Variants in LARGE1 observed in about 807,000 individuals in gnomAD.
The protein encoded by LARGE1 is xylosyl- and glucuronyltransferase LARGE1.
LARGE1 carries 43 observed loss-of-function variants against 87.6 expected under a neutral mutation model. The ratio of observed to expected loss-of-function variants is 0.49; its 90% CI spans 0.38 to 0.63. The LOEUF is 0.63. Ranked by LOEUF, LARGE1 falls within the 30% of genes least tolerant of loss-of-function variation. The pLI is 0.00. For missense variants in LARGE1, 802 were observed against 1,000.2 expected, an observed-to-expected ratio of 0.80 and a Z score of 2.67; for synonymous variants, 434 against 394.6, an observed-to-expected ratio of 1.10 and a Z score of -1.18.
At chr22:33,315,731 G>A (rs1053154686) in intron 11 of LARGE1, among the ~76,000 whole-genome samples, 1 of 152,078 alleles carries the variant, frequency 6.6e-6, no homozygotes, top group Non-Finnish European at 1.5e-5. Flanking sequence ...TTGGGTTCAA[G>A]CCATTCTCCT....
At chr22:33,120,394 C>CTTTCTT in the LARGE1 span, among the ~76,000 whole-genome samples, 1 of 94,154 alleles carries the variant, frequency 1.1e-5, no homozygotes, top group Non-Finnish European at 2.0e-5. Context: ...TTCTTTCTTT[C>CTTTCTT]TTTCTTTCTT....
intron 5 of LARGE1, among the ~76,000 whole-genome samples, chr22:33,570,906 C>CCCT (rs1555960820): frequency 6.6e-6 from 1 of 152,040 alleles, no homozygotes; most frequent in Non-Finnish European, 1.5e-5. Context: ...GAGAAGAGCA[C>CCCT]CCTCGAAGGC....
At chr22:33,882,496 C>T (rs559170625) in intron 1 of LARGE1, among the ~76,000 whole-genome samples, 64 of 152,248 alleles carry the variant, frequency 4.2e-4, no homozygotes, top group African/African-American at 1.5e-3. Flanking sequence ...AAGCAGATGC[C>T]AGCCAGGAGA....
chr22:33,863,488 A>G (rs1031856895), intron 1 of LARGE1, among the ~76,000 whole-genome samples: 2 of 152,074 alleles, frequency 1.3e-5, no homozygotes, highest in Admixed American at 6.6e-5. Context: ...AGCCAGGCCC[A>G]GTGGCTCATG....
At chr22:33,212,418 C>A (rs1316452895) in intron 11 of LARGE1, among the ~76,000 whole-genome samples, 1 of 152,134 alleles carries the variant, frequency 6.6e-6, no homozygotes, top group East Asian at 1.9e-4. Flanking sequence ...ATATTTTAAG[C>A]CCAGTGTTGA....
chr22:33,848,091 T>C (rs1156773512), intron 1 of LARGE1, among the ~76,000 whole-genome samples: 1 of 152,208 alleles, frequency 6.6e-6, no homozygotes, highest in Non-Finnish European at 1.5e-5. Flanking sequence ...AGTCAATTAA[T>C]AGTTCCATGA....
chr22:33,171,477 T>G (rs137347), intron 11 of LARGE1, among the ~76,000 whole-genome samples: 104,860 of 152,140 alleles, frequency 0.69, 37,651 homozygotes, highest in African/African-American at 0.9. Context: ...CAGGCCTAGA[T>G]GCCTAGGAGG....
intron 4 of LARGE1, among the ~76,000 whole-genome samples, chr22:33,606,903 T>TA (rs2079280639): frequency 6.6e-6 from 1 of 152,108 alleles, no homozygotes; most frequent in Non-Finnish European, 1.5e-5. Flanking sequence ...TCCTAACTGT[T>TA]ATCCCAGCCA....
the LARGE1 span, among the ~76,000 whole-genome samples, chr22:33,073,873 C>G: frequency 6.6e-6 from 1 of 152,174 alleles, no homozygotes; most frequent in Non-Finnish European, 1.5e-5. Flanking sequence ...GTACTCCAGA[C>G]AACAGCCCTG....
chr22:33,354,634 CAA>C (rs993810905), intron 9 of LARGE1, among the ~76,000 whole-genome samples: 7 of 152,260 alleles, frequency 4.6e-5, no homozygotes, highest in African/African-American at 1.7e-4. Flanking sequence ...TGATGGTCAT[CAA>C]GAGAGACTTA....
At chr22:33,123,078 C>T in the LARGE1 span, among the ~76,000 whole-genome samples, 3 of 152,154 alleles carry the variant, frequency 2.0e-5, no homozygotes, top group East Asian at 1.9e-4. Flanking sequence ...ATCTCCAAGG[C>T]GGGCTTGTAG....
chr22:33,673,240 A>C (rs2081471185), intron 2 of LARGE1, among the ~76,000 whole-genome samples: 1 of 152,148 alleles, frequency 6.6e-6, no homozygotes, highest in Admixed American at 6.5e-5. Context: ...ATGCCACTGC[A>C]CTCCAGCCTA....
rs563977256 is a variant in LARGE1, at chr22:33,371,800, C to T, written c.1131+10119G>A. Among the ~76,000 whole-genome samples the T allele has an allele frequency of 3.4e-4, 51 of 151,976 alleles. No homozygotes were observed. The South Asian group carries it at 8.9e-3, about 27-fold the overall frequency. On this transcript the variant is annotated intron_variant, in intron 9 of 14. Transcript: ENST00000397394. ...GAGATCGAGACCATCCTGGCTAACA[C>T]GGTGAAACCTCGTCTCCACTAAAAA...
At chr22:33,674,571 G>T (rs1163987195) in intron 2 of LARGE1, among the ~76,000 whole-genome samples, 1 of 152,070 alleles carries the variant, frequency 6.6e-6, no homozygotes, top group Non-Finnish European at 1.5e-5. Context: ...TCCCAGCATG[G>T]CACTCCCACT....
intron 6 of LARGE1, among the ~76,000 whole-genome samples, chr22:33,454,745 G>A (rs2068066136): frequency 1.3e-5 from 2 of 152,134 alleles, no homozygotes; most frequent in Non-Finnish European, 1.5e-5. Flanking sequence ...CATGGCGGAA[G>A]GCAAAACAGA....
At chr22:33,207,470 C>T (rs915264068) in intron 11 of LARGE1, among the ~76,000 whole-genome samples, 3 of 152,122 alleles carry the variant, frequency 2.0e-5, no homozygotes, top group Non-Finnish European at 4.4e-5. Flanking sequence ...CCCTTCTGCC[C>T]CCAGGTAATA....
At chr22:33,096,741 A>G in the LARGE1 span, among the ~76,000 whole-genome samples, 1 of 150,734 alleles carries the variant, frequency 6.6e-6, no homozygotes, top group Admixed American at 6.6e-5. Flanking sequence ...ATTTTTTTGT[A>G]TTTTCAGTAG....
At chr22:33,433,979 A>G (rs1165547789) in intron 6 of LARGE1, among the ~76,000 whole-genome samples, 1 of 152,236 alleles carries the variant, frequency 6.6e-6, no homozygotes. Flanking sequence ...CATGGGAAAA[A>G]CACTACCACC....
chr22:33,622,746 C>T (rs184001485), intron 4 of LARGE1, among the ~76,000 whole-genome samples: 1 of 152,342 alleles, frequency 6.6e-6, no homozygotes, highest in East Asian at 1.9e-4. Context: ...GCCTCCTGAA[C>T]CTAGTGCCAT....
Sources: gnomAD v4.1 joint callset for allele counts (sites outside exome capture counted in the v4.1 genomes callset) on GRCh38, gnomAD v4.1.1 for gene constraint, MANE v1.5 for transcripts, NCBI Gene and HGNC (gene_info 2026-07-23, HGNC 2026-07-21) for gene names.